The following OTOGL variants were observed in gnomAD, a reference collection of about 807,000 sequenced individuals.
The protein encoded by OTOGL is otogelin like.
A neutral mutation model predicts 318.5 loss-of-function variants in OTOGL; 285 were observed. That is an observed-to-expected ratio of 0.89 (90% CI 0.81 to 0.99). The LOEUF is 0.99. Among genes scored for constraint, OTOGL ranks in the 50% least tolerant of loss-of-function variants. The probability of loss-of-function intolerance (pLI) is 0.00; values close to 1 mark genes in which losing one functional copy is unlikely to be tolerated. For synonymous variants in OTOGL, 987 were observed against 936.5 expected (o/e 1.05, Z -0.99); for missense variants, 2,899 against 2,845.6 (o/e 1.02, Z -0.43).
chr12:80,188,955 C>G lies in OTOGL; in HGVS notation c.-19-20458C>G, dbSNP rs898747976. The stretch of plus-strand genomic sequence containing the variant: ...TCCCTTCAGGTGTCATCCTCCCGTT[C>G]TCTCTGTCCTCCCTTTGGTTTAGAT... On this transcript the variant is annotated intron_variant, in intron 1 of 58. Transcript: ENST00000547103. Among the ~76,000 whole-genome samples, 13 of 152,218 alleles carry G rather than the reference C, an allele frequency of 8.5e-5. 1 individual carries two copies. The highest frequency in any genetic ancestry group is 2.9e-5 in the Non-Finnish European group (2 of 68,026).
chr12:80,240,073 G>T (rs892378073), intron 11 of OTOGL, among the ~76,000 whole-genome samples: 1 of 151,880 alleles, frequency 6.6e-6, no homozygotes, highest in African/African-American at 2.4e-5. Context: ...CTTTTTTATG[G>T]CTGAATAATA....
At chr12:80,309,718 G>A (rs1216425625) in intron 29 of OTOGL, among the ~76,000 whole-genome samples, 1 of 152,138 alleles carries the variant, frequency 6.6e-6, no homozygotes, top group Non-Finnish European at 1.5e-5. Flanking sequence ...CCTGAGGCAG[G>A]GCAAAGAGGA....
intron 7 of OTOGL, 69 bp downstream of exon 7, chr12:80,222,314 T>C: frequency 7.2e-7 from 1 of 1,382,562 alleles, no homozygotes. Flanking sequence ...TTTAAAGTAC[T>C]GGGAAAATGA....
intron 3 of OTOGL, among the ~76,000 whole-genome samples, chr12:80,211,568 G>C (rs1034300837): frequency 3.9e-5 from 6 of 152,112 alleles, no homozygotes; most frequent in South Asian, 4.1e-4. Flanking sequence ...ATTAAGTACT[G>C]TTTGAACAAA....
In OTOGL at chr12:80,189,541, T is replaced by C. The variant is rs114827046; in HGVS notation, c.-19-19872T>C. The C allele has an allele frequency of 2.4e-3, 2,043 of 858,434 alleles. 41 individuals carry two copies. The African/African-American group carries it at 0.035, about 15-fold the overall frequency. The allele number at this position is 858,434 out of a possible 1,614,324, so 53.2% of individuals were successfully genotyped here. Reference sequence around the variant, plus strand: ...TCATTTCTTGGAAGAAGTGAATTTCTAGGAAGCTTCTGAAATGACAATATA... The same window carrying C: ...TCATTTCTTGGAAGAAGTGAATTTCCAGGAAGCTTCTGAAATGACAATATA... On this transcript the variant is annotated intron_variant, in intron 1 of 58. Coordinates refer to ENST00000547103, the MANE Select transcript of OTOGL (RefSeq NM_001378609.3).
intron 1 of OTOGL, among the ~76,000 whole-genome samples, chr12:80,206,537 G>T (rs963396776): frequency 6.6e-6 from 1 of 151,984 alleles, no homozygotes; most frequent in Admixed American, 6.6e-5. Context: ...TTGAGACAGG[G>T]TCTTGCTCTG....
intron 1 of OTOGL, among the ~76,000 whole-genome samples, chr12:80,181,482 A>G (rs978500612): frequency 2.0e-5 from 3 of 151,974 alleles, no homozygotes; most frequent in African/African-American, 7.3e-5. Context: ...GGAGTCTCCA[A>G]TCATTGTCAT....
At chr12:80,361,798 G>A (rs367819462) in intron 52 of OTOGL, among the ~76,000 whole-genome samples, 3 of 151,974 alleles carry the variant, frequency 2.0e-5, no homozygotes, top group African/African-American at 7.3e-5. Flanking sequence ...GCCTATTCAG[G>A]CCCTTTGCCC....
At chr12:80,150,327 C>T (rs1423288624) in intron 1 of OTOGL, among the ~76,000 whole-genome samples, 2 of 152,122 alleles carry the variant, frequency 1.3e-5, no homozygotes, top group African/African-American at 4.8e-5. Flanking sequence ...TAATGTGTTT[C>T]TTGCTGAACA....
intron 11 of OTOGL, among the ~76,000 whole-genome samples, chr12:80,246,176 C>T (rs968837560): frequency 6.6e-6 from 1 of 150,686 alleles, no homozygotes. Context: ...CCTGATTGCC[C>T]TGGCCAGAAC....
intron 28 of OTOGL, among the ~76,000 whole-genome samples, chr12:80,304,312 A>G (rs1885965960): frequency 6.6e-6 from 1 of 152,060 alleles, no homozygotes; most frequent in Non-Finnish European, 1.5e-5. Flanking sequence ...AAATATTGTT[A>G]GTTTACTATT....
intron 35 of OTOGL, 134 bp downstream of exon 35, chr12:80,323,974 C>A: frequency 2.9e-6 from 2 of 684,608 alleles, no homozygotes; most frequent in Non-Finnish European, 4.9e-6. Context: ...ATATTAATTT[C>A]GCTTAAATCA....
intron 15 of OTOGL, among the ~76,000 whole-genome samples, 184 bp from the exon 16 acceptor site, chr12:80,254,856 G>A (rs1881889626): frequency 6.6e-6 from 1 of 151,890 alleles, no homozygotes; most frequent in Non-Finnish European, 1.5e-5. Context: ...ATTTAGTCTA[G>A]TAAGTTTGTC....
chr12:80,309,664 G>A (rs974473942), intron 29 of OTOGL, among the ~76,000 whole-genome samples: 2 of 152,176 alleles, frequency 1.3e-5, no homozygotes, highest in African/African-American at 4.8e-5. Flanking sequence ...TTCCAAGAAG[G>A]TCTCCTACTT....
chr12:80,334,146 G>A (rs1888251797), intron 38 of OTOGL, among the ~76,000 whole-genome samples: 1 of 152,120 alleles, frequency 6.6e-6, no homozygotes, highest in South Asian at 2.1e-4. Flanking sequence ...ATTTAGGCCA[G>A]AGATGATGAT....
In OTOGL at chr12:80,378,254, A is replaced by G. The variant is rs1449112122; in HGVS notation, c.*206A>G. The G allele has an allele frequency of 1.3e-5, 6 of 467,144 alleles. No homozygotes were observed. The East Asian group carries it at 1.7e-4, about 13-fold the overall frequency. The allele number at this position is 467,144 out of a possible 1,614,324, so 28.9% of individuals were successfully genotyped here. On this transcript the variant is annotated 3_prime_UTR_variant, in exon 59 of 59. Coordinates refer to ENST00000547103, the MANE Select transcript of OTOGL (RefSeq NM_001378609.3). ...TTATTGCTTTACTCTATTTTAGAAA[A>G]TCAAATGACTGTAAGTTGTTCAGCT...
intron 19 of OTOGL, among the ~76,000 whole-genome samples, chr12:80,264,362 C>T (rs76085888): frequency 0.017 from 2,601 of 152,242 alleles, 42 homozygotes; most frequent in Non-Finnish European, 0.024. Context: ...TTTATAGTTA[C>T]ATCTCATGGC....
chr12:80,229,423 A>G (rs1879167780), intron 8 of OTOGL, 45 bp downstream of exon 8: 1 of 1,554,848 alleles, frequency 6.4e-7, no homozygotes, highest in Non-Finnish European at 8.8e-7. Context: ...CCACAAATTA[A>G]TAGAATTTCC....
intron 1 of OTOGL, among the ~76,000 whole-genome samples, chr12:80,107,154 G>GT (rs1869503444): frequency 6.6e-6 from 1 of 152,076 alleles, no homozygotes; most frequent in South Asian, 2.1e-4. Context: ...TATTTCTGCT[G>GT]TAACAAATTA....
Sources: allele counts gnomAD v4.1 joint callset (sites outside exome capture counted in the v4.1 genomes callset), GRCh38; gene constraint gnomAD v4.1.1; transcripts MANE v1.5; gene names NCBI Gene and HGNC (gene_info 2026-07-23, HGNC 2026-07-21).